The following TYW1B variants were observed in gnomAD, a reference collection of about 807,000 sequenced individuals.
TYW1B encodes tRNA-yW synthesizing protein 1 homolog B, also known as S-adenosyl-L-methionine-dependent tRNA 4-demethylwyosine synthase TYW1B.
A neutral mutation model predicts 86.9 loss-of-function variants in TYW1B; 73 were observed. That is an observed-to-expected ratio of 0.84 (90% CI 0.70 to 1.02). The LOEUF (loss-of-function observed/expected upper bound fraction) is 1.02. Among genes scored for constraint, TYW1B ranks in the 50% least tolerant of loss-of-function variants. The pLI is 0.00. For missense variants in TYW1B, 637 were observed against 827.4 expected (o/e 0.77, Z 2.82); for synonymous variants, 248 against 292.8 (o/e 0.85, Z 1.56).
intron 11 of TYW1B, among the ~76,000 whole-genome samples, chr7:72,646,151 C>CT (rs1348612027): frequency 1.3e-5 from 2 of 151,684 alleles, no homozygotes; most frequent in Non-Finnish European, 2.9e-5. Flanking sequence ...TCCTGGGCTC[C>CT]TCAAAAGATT....
intron 10 of TYW1B, among the ~76,000 whole-genome samples, chr7:72,708,993 T>C (rs1554454114): frequency 6.6e-6 from 1 of 152,218 alleles, no homozygotes; most frequent in Admixed American, 6.5e-5. Context: ...CTAGGAGGGT[T>C]GTCTTATACT....
At chr7:72,756,625 G>A (rs1179102058) in intron 7 of TYW1B, among the ~76,000 whole-genome samples, 2 of 152,120 alleles carry the variant, frequency 1.3e-5, no homozygotes, top group East Asian at 3.9e-4. Context: ...CTGAGAAAAG[G>A]TCTGGCAGAC....
At chr7:72,683,221 A>G (rs1418226860) in intron 11 of TYW1B, among the ~76,000 whole-genome samples, 2 of 152,300 alleles carry the variant, frequency 1.3e-5, no homozygotes, top group Admixed American at 6.5e-5. Flanking sequence ...ACGGGGAAGA[A>G]AAAACTGAGA....
rs146681841 is a variant in TYW1B at position 72,583,052 on chromosome 7, C to T, written c.1786-7333G>A. On this transcript the variant is annotated intron_variant, in intron 13 of 13. Coordinates refer to ENST00000620995, the MANE Select transcript of TYW1B (RefSeq NM_001145440.3). Reference sequence around the variant, plus strand: ...TAGAAGCAAGCTCGAGCCTCATCTTCCATGGTACACAATAAAGAGATAATA... The same window carrying T: ...TAGAAGCAAGCTCGAGCCTCATCTTTCATGGTACACAATAAAGAGATAATA... Among the ~76,000 whole-genome samples the T allele has an allele frequency of 5.3e-3, 811 of 152,176 alleles. 4 individuals are homozygous for T. The highest frequency in any genetic ancestry group is 8.0e-3 in the Non-Finnish European group (544 of 67,998).
At chr7:72,637,628 T>C (rs1324815840) in intron 11 of TYW1B, among the ~76,000 whole-genome samples, 1 of 152,074 alleles carries the variant, frequency 6.6e-6, no homozygotes, top group Non-Finnish European at 1.5e-5. Flanking sequence ...TTTCCTTAAT[T>C]TCTGCTCTTT....
chr7:72,815,042 C>T (rs575213596), intron 3 of TYW1B, among the ~76,000 whole-genome samples: 5 of 144,236 alleles, frequency 3.5e-5, no homozygotes, highest in Non-Finnish European at 7.4e-5. Flanking sequence ...ACACTCCAGC[C>T]TGGGTGACAC....
At chr7:72,742,055 A>G (rs1479090839) in intron 8 of TYW1B, among the ~76,000 whole-genome samples, 5 of 152,208 alleles carry the variant, frequency 3.3e-5, no homozygotes, top group African/African-American at 1.2e-4. Context: ...AAAGAACAAC[A>G]TAAAGGTAAA....
intron 7 of TYW1B, among the ~76,000 whole-genome samples, chr7:72,752,450 G>T (rs577256564): frequency 2.8e-4 from 42 of 152,230 alleles, no homozygotes; most frequent in African/African-American, 1.0e-3. Flanking sequence ...AACTTATCAG[G>T]CAGAGCAGGG....
intron 10 of TYW1B, among the ~76,000 whole-genome samples, chr7:72,698,364 G>C (rs1814374445): frequency 6.6e-6 from 1 of 152,136 alleles, no homozygotes; most frequent in African/African-American, 2.4e-5. Flanking sequence ...TAAGCATCAG[G>C]CCGGGCACAG....
intron 11 of TYW1B, among the ~76,000 whole-genome samples, chr7:72,667,715 A>AAAAAC (rs1320430870): frequency 6.6e-6 from 1 of 152,198 alleles, no homozygotes; most frequent in Non-Finnish European, 1.5e-5. Flanking sequence ...TCCAGCTCAA[A>AAAAAC]AAAACAAAAC....
At chr7:72,759,051 C>T (rs1305789833) in intron 7 of TYW1B, among the ~76,000 whole-genome samples, 3 of 152,172 alleles carry the variant, frequency 2.0e-5, no homozygotes, top group Non-Finnish European at 4.4e-5. Context: ...CACTAGGTGG[C>T]CAGGTGCGGT....
intron 6 of TYW1B, among the ~76,000 whole-genome samples, chr7:72,784,426 T>A (rs1358485540): frequency 6.6e-6 from 1 of 152,216 alleles, no homozygotes; most frequent in Admixed American, 6.5e-5. Flanking sequence ...CAGATGATAA[T>A]AGTTTGATCA....
intron 11 of TYW1B, among the ~76,000 whole-genome samples, chr7:72,682,160 G>A (rs1563057567): frequency 6.6e-6 from 1 of 151,828 alleles, no homozygotes; most frequent in Admixed American, 6.6e-5. Context: ...TTAAAGGCAT[G>A]AGCCACCACA....
intron 7 of TYW1B, among the ~76,000 whole-genome samples, chr7:72,750,530 G>A (rs560526927): frequency 2.6e-5 from 4 of 152,204 alleles, no homozygotes; most frequent in African/African-American, 9.6e-5. Context: ...GTTATATAAA[G>A]TATTGGTATG....
At chr7:72,653,916 T>C (rs1416842364) in intron 11 of TYW1B, among the ~76,000 whole-genome samples, 4 of 151,640 alleles carry the variant, frequency 2.6e-5, no homozygotes, top group African/African-American at 7.3e-5. Context: ...CCTGTCTCTA[T>C]TAAAAATACA....
In TYW1B at chr7:72,596,661, T is replaced by C. The variant is rs1811539212; in HGVS notation, c.1785+20011A>G. On this transcript the variant is annotated intron_variant, in intron 13 of 13. Transcript: ENST00000620995. Reference sequence around the variant, plus strand: ...TGGATCAAAGACCTAAACATAAGACTTAAAATTATAAGACTCTTAGAAGGA... The same window carrying C: ...TGGATCAAAGACCTAAACATAAGACCTAAAATTATAAGACTCTTAGAAGGA... Among the ~76,000 whole-genome samples, 3 of 152,206 alleles carry C rather than the reference T, an allele frequency of 2.0e-5. No homozygotes were observed. In the South Asian group the frequency reaches 6.2e-4, roughly 32 times the overall value.
chr7:72,708,757 G>T (rs1250680947), intron 10 of TYW1B, among the ~76,000 whole-genome samples: 3 of 152,120 alleles, frequency 2.0e-5, no homozygotes, highest in African/African-American at 7.2e-5. Context: ...TATCGGGGTT[G>T]GCAGGGAGCA....
intron 13 of TYW1B, among the ~76,000 whole-genome samples, chr7:72,581,410 T>TA (rs1181630742): frequency 6.6e-6 from 1 of 152,218 alleles, no homozygotes; most frequent in African/African-American, 2.4e-5. Flanking sequence ...CACTCCAAGA[T>TA]AGAGTCAGCC....
chr7:72,759,203 C>A (rs116191057), intron 7 of TYW1B, among the ~76,000 whole-genome samples: 1 of 152,074 alleles, frequency 6.6e-6, no homozygotes, highest in Admixed American at 6.6e-5. Context: ...CGTGGTGGCA[C>A]GCACACCTGT....
Sources: gnomAD v4.1 joint callset for allele counts (sites outside exome capture counted in the v4.1 genomes callset) on GRCh38, gnomAD v4.1.1 for gene constraint, MANE v1.5 for transcripts, NCBI Gene and HGNC (gene_info 2026-07-23, HGNC 2026-07-21) for gene names.